EVA1C: variants seen among roughly 807,000 people sequenced by gnomAD.
The protein encoded by EVA1C is eva-1 homolog C.
A neutral mutation model predicts 45.4 loss-of-function variants in EVA1C; 25 were observed. That is an observed-to-expected ratio of 0.55 (90% confidence interval 0.40 to 0.77). EVA1C has a LOEUF of 0.77. Ranked by LOEUF, EVA1C falls within the 30% of genes least tolerant of loss-of-function variation. The pLI is 0.00. For synonymous variants in EVA1C, 190 were observed against 221.2 expected, an observed-to-expected ratio of 0.86 and a Z score of 1.25; for missense variants, 479 against 554.8, an observed-to-expected ratio of 0.86 and a Z score of 1.37.
intron 3 of EVA1C, among the ~76,000 whole-genome samples, chr21:32,465,588 A>G (rs1341648216): frequency 6.6e-6 from 1 of 152,144 alleles, no homozygotes; most frequent in African/African-American, 2.4e-5. Flanking sequence ...CAAATAAATG[A>G]CCGTGGTCCC....
chr21:32,451,642 C>T (rs2035583366), intron 1 of EVA1C, among the ~76,000 whole-genome samples: 1 of 152,220 alleles, frequency 6.6e-6, no homozygotes, highest in Admixed American at 6.5e-5. Context: ...CAGGTGTTGG[C>T]AGGGCTGTGC....
chr21:32,504,533 G>A (rs1210098248), intron 7 of EVA1C, among the ~76,000 whole-genome samples: 3 of 152,126 alleles, frequency 2.0e-5, no homozygotes, highest in African/African-American at 7.2e-5. Context: ...GAGCCAGAAG[G>A]CTTATACCAA....
At chr21:32,445,554 G>T (rs140533084) in intron 1 of EVA1C, among the ~76,000 whole-genome samples, 1 of 152,104 alleles carries the variant, frequency 6.6e-6, no homozygotes, top group Non-Finnish European at 1.5e-5. Context: ...GGGGCCCCAA[G>T]ATTTATTTTC....
intron 1 of EVA1C, among the ~76,000 whole-genome samples, chr21:32,450,219 C>T (rs953893108): frequency 1.3e-5 from 2 of 152,026 alleles, no homozygotes; most frequent in African/African-American, 4.8e-5. Context: ...TTCTGTTTAG[C>T]GGGGATAGAC....
chr21:32,435,710 T>G (rs545232778), intron 1 of EVA1C, among the ~76,000 whole-genome samples: 33 of 152,384 alleles, frequency 2.2e-4, no homozygotes, highest in Non-Finnish European at 3.7e-4. Context: ...CAGTGCAAGA[T>G]GAAAACATGG....
intron 6 of EVA1C, among the ~76,000 whole-genome samples, chr21:32,502,978 G>T (rs1212418483): frequency 6.6e-6 from 1 of 152,034 alleles, no homozygotes; most frequent in East Asian, 1.9e-4. Context: ...AAACAGCCTG[G>T]TCCCCCTGCA....
At chr21:32,456,232 G>A (rs189767218) in intron 2 of EVA1C, among the ~76,000 whole-genome samples, 161 of 152,314 alleles carry the variant, frequency 1.1e-3, no homozygotes, top group African/African-American at 3.6e-3. Context: ...GCACAGGCAA[G>A]GTGCTTCCTC....
intron 4 of EVA1C, among the ~76,000 whole-genome samples, chr21:32,469,390 G>A (rs1265606651): frequency 2.0e-5 from 3 of 152,142 alleles, no homozygotes; most frequent in Non-Finnish European, 4.4e-5. Context: ...AGCCAGTTGG[G>A]GACAAGTGTC....
chr21:32,444,301 C>CT (rs2035289754), intron 1 of EVA1C, among the ~76,000 whole-genome samples: 1 of 152,206 alleles, frequency 6.6e-6, no homozygotes, highest in Non-Finnish European at 1.5e-5. Flanking sequence ...GTCCCCAAGA[C>CT]TATTGCCCTT....
intron 1 of EVA1C, among the ~76,000 whole-genome samples, chr21:32,450,746 C>T (rs571835350): frequency 6.6e-6 from 1 of 152,022 alleles, no homozygotes; most frequent in South Asian, 2.1e-4. Flanking sequence ...GTGTGCCAGG[C>T]GGGAAGACAC....
intron 7 of EVA1C, among the ~76,000 whole-genome samples, chr21:32,511,537 T>C (rs2037954135): frequency 6.6e-6 from 1 of 150,860 alleles, no homozygotes; most frequent in Non-Finnish European, 1.5e-5. Context: ...GTACATGACA[T>C]GAGCCAGCAT....
At position 32,478,140 on chromosome 21, in the gene EVA1C, T is replaced by C. The variant is rs143574420; in HGVS notation, c.634+10292T>C. 1.2e-3 allele frequency among the ~76,000 whole-genome samples: 180 copies of C among 151,158 alleles called. 1 individual carries two copies. Among genetic ancestry groups the C allele is most frequent in the Non-Finnish European group, 2.3e-3 (159 of 67,848 alleles). ...AACTTATGTCCTCCCCAAATTCATA[T>C]ACTGAAGTCCTAACTCCCGGTACCT... On this transcript the variant is annotated intron_variant, in intron 4 of 7. Transcript: ENST00000300255.
chr21:32,448,215 C>A (rs1343964480), intron 1 of EVA1C, among the ~76,000 whole-genome samples: 1 of 152,226 alleles, frequency 6.6e-6, no homozygotes, highest in Non-Finnish European at 1.5e-5. Flanking sequence ...GCAGCCTGTC[C>A]TGCTGTCACC....
At chr21:32,414,322 A>G (rs2033953679) in intron 1 of EVA1C, among the ~76,000 whole-genome samples, 1 of 152,156 alleles carries the variant, frequency 6.6e-6, no homozygotes, top group Admixed American at 6.5e-5. Flanking sequence ...TTGTACTACT[A>G]GAACTTTCTT....
At chr21:32,511,899 A>G (rs2037967623) in intron 7 of EVA1C, among the ~76,000 whole-genome samples, 1 of 152,196 alleles carries the variant, frequency 6.6e-6, no homozygotes. Context: ...GCAGGAGAGC[A>G]GGCAAATAAA....
At chr21:32,446,135 C>T (rs1430412576) in intron 1 of EVA1C, among the ~76,000 whole-genome samples, 4 of 151,452 alleles carry the variant, frequency 2.6e-5, no homozygotes, top group Admixed American at 1.3e-4. Context: ...CCCAGCTACT[C>T]GGGAGGGTGA....
At chr21:32,511,101 A>C (rs1201802231) in intron 7 of EVA1C, among the ~76,000 whole-genome samples, 1 of 151,814 alleles carries the variant, frequency 6.6e-6, no homozygotes, top group Non-Finnish European at 1.5e-5. Flanking sequence ...AAGGATTATC[A>C]TCAAGAGTCT....
chr21:32,511,465 A>G (rs1204529120), intron 7 of EVA1C, among the ~76,000 whole-genome samples: 1 of 151,678 alleles, frequency 6.6e-6, no homozygotes, highest in Non-Finnish European at 1.5e-5. Context: ...AAAAGAAAAA[A>G]GAAAATATAC....
At chr21:32,511,735 C>T (rs369939316) in intron 7 of EVA1C, among the ~76,000 whole-genome samples, 4 of 152,236 alleles carry the variant, frequency 2.6e-5, no homozygotes, top group African/African-American at 7.2e-5. Flanking sequence ...CTTTGAACAC[C>T]GTGTTGGCAG....
Sources: allele counts gnomAD v4.1 joint callset (sites outside exome capture counted in the v4.1 genomes callset), GRCh38; gene constraint gnomAD v4.1.1; transcripts MANE v1.5; gene names NCBI Gene and HGNC (gene_info 2026-07-23, HGNC 2026-07-21).